POTEF: variants seen among roughly 807,000 people sequenced by gnomAD.
The protein encoded by POTEF is ANKRD26-like family C member 1B.
In POTEF, 20 loss-of-function variants were observed where a neutral mutation model predicts 83.2. That is an observed-to-expected ratio of 0.24 (90% CI 0.17 to 0.35). The LOEUF (loss-of-function observed/expected upper bound fraction) is 0.35, where lower values mean the gene tolerates loss of function less well. POTEF is among the 10% of genes least tolerant of loss of function. The pLI is 1.00. For synonymous variants in POTEF, 196 were observed against 446.4 expected (o/e 0.44, Z 7.07); for missense variants, 550 against 1,203.2 (o/e 0.46, Z 8.03).
At chr2:130,127,324 CAAAAA>C (rs57173649) in intron 2 of POTEF, among the ~76,000 whole-genome samples, 213 of 12,398 alleles carry the variant, frequency 0.017, 1 homozygote, top group African/African-American at 0.069. Flanking sequence ...GACTCTGTCT[CAAAAA>C]AAAAAAAAAA....
chr2:130,104,340 G>C (rs369868946), intron 8 of POTEF, among the ~76,000 whole-genome samples: 1 of 144,896 alleles, frequency 6.9e-6, no homozygotes, highest in African/African-American at 2.7e-5. Flanking sequence ...GCAATCTTTA[G>C]ATTTCTATCC....
At chr2:130,083,144 T>C (rs1683933499) in intron 15 of POTEF, among the ~76,000 whole-genome samples, 1 of 131,386 alleles carries the variant, frequency 7.6e-6, no homozygotes, top group Non-Finnish European at 1.6e-5. Context: ...GAGACCAGCC[T>C]GGCCAACATG....
intron 8 of POTEF, among the ~76,000 whole-genome samples, chr2:130,107,116 T>G (rs569550403): frequency 7.1e-6 from 1 of 140,110 alleles, no homozygotes; most frequent in Non-Finnish European, 1.5e-5. Context: ...GCATTTTTGT[T>G]AGCGTGAAAC....
In POTEF at chr2:130,120,620, G is replaced by A. The variant is rs911321262; in HGVS notation, c.-93-12C>T. On this transcript the variant is annotated splice_polypyrimidine_tract_variant and intron_variant, in intron 2 of 16. Coordinates refer to ENST00000409914, the MANE Select transcript of POTEF (RefSeq NM_001099771.2). ...TCCGGGTTTCCAATCTGTTTGAAGA[G>A]AAAAGTCAATCCCAGCCAAAACCTG... 455 of 1,582,890 alleles carry A rather than the reference G, an allele frequency of 2.9e-4. No homozygotes were observed. Among genetic ancestry groups the A allele is most frequent in the Non-Finnish European group, 3.8e-4 (439 of 1,164,712 alleles).
In POTEF at chr2:130,075,586, G is replaced by A. The variant is rs2122979; in HGVS notation, c.1900-14C>T. 0.37 allele frequency: 594,846 copies of A among 1,593,364 alleles called. 115,263 individuals are homozygous for A. The highest frequency in any genetic ancestry group is 0.43 in the South Asian group (38,337 of 89,058). On this transcript the variant is annotated splice_polypyrimidine_tract_variant and intron_variant, in intron 16 of 16. Coordinates refer to ENST00000409914, the MANE Select transcript of POTEF (RefSeq NM_001099771.2). ...ACTAAGAGAAAGCTAAGTAAACAAA[G>A]AGAACTTTTAGTTAGCACTCAATAG...
intron 3 of POTEF, among the ~76,000 whole-genome samples, chr2:130,118,771 C>CT (rs1482252540): frequency 6.6e-6 from 1 of 151,698 alleles, no homozygotes; most frequent in East Asian, 1.9e-4. Flanking sequence ...GTATGTTTCT[C>CT]TTTTTGTATA....
intron 15 of POTEF, among the ~76,000 whole-genome samples, chr2:130,083,321 T>A (rs2599818): frequency 2.6e-5 from 4 of 151,616 alleles, no homozygotes; most frequent in African/African-American, 9.7e-5. Context: ...GGGGACAAAG[T>A]GAGACTCTGT....
intron 2 of POTEF, among the ~76,000 whole-genome samples, chr2:130,126,378 T>C (rs1685093830): frequency 6.6e-6 from 1 of 151,656 alleles, no homozygotes; most frequent in South Asian, 2.1e-4. Context: ...ACAGTTCACT[T>C]AATAATCTCA....
intron 3 of POTEF, among the ~76,000 whole-genome samples, chr2:130,117,781 TTGA>T (rs1558894970): frequency 6.6e-6 from 1 of 152,036 alleles, no homozygotes; most frequent in East Asian, 1.9e-4. Context: ...TATAATGGAA[TTGA>T]TGAGTAAAAA....
chr2:130,103,160 G>T (rs1334152054), intron 8 of POTEF, among the ~76,000 whole-genome samples: 32 of 145,874 alleles, frequency 2.2e-4, no homozygotes, highest in East Asian at 8.0e-4. Context: ...GAGTGCAGTG[G>T]CGCAATCTCA....
At chr2:130,119,388 A>C (rs1005596497) in intron 3 of POTEF, among the ~76,000 whole-genome samples, 27 of 152,000 alleles carry the variant, frequency 1.8e-4, no homozygotes, top group Admixed American at 5.2e-4. Flanking sequence ...GGATGGTCTC[A>C]ATCTCCTGAC....
At chr2:130,101,645 T>C (rs1444679073) in intron 9 of POTEF, among the ~76,000 whole-genome samples, 2 of 148,168 alleles carry the variant, frequency 1.3e-5, no homozygotes, top group Non-Finnish European at 2.9e-5. Flanking sequence ...TAACCATGAA[T>C]CCAGCTCAGG....
chr2:130,128,686 T>C (rs1685161969), intron 1 of POTEF, among the ~76,000 whole-genome samples: 1 of 151,784 alleles, frequency 6.6e-6, no homozygotes, highest in African/African-American at 2.4e-5. Flanking sequence ...CAGCTCCTGA[T>C]AGCGCACCCT....
intron 12 of POTEF, among the ~76,000 whole-genome samples, chr2:130,091,463 CCT>C (rs1322127424): frequency 6.6e-6 from 1 of 152,086 alleles, no homozygotes; most frequent in Non-Finnish European, 1.5e-5. Context: ...AAGTTTTCTC[CCT>C]GTTTAAAAGA....
chr2:130,128,300 G>C (rs1685147793), intron 1 of POTEF, among the ~76,000 whole-genome samples: 1 of 151,800 alleles, frequency 6.6e-6, no homozygotes, highest in Admixed American at 6.6e-5. Flanking sequence ...GAACCGCAGT[G>C]GGTGTGGGGG....
At chr2:130,104,260 G>A (rs1684452769) in intron 8 of POTEF, among the ~76,000 whole-genome samples, 1 of 142,996 alleles carries the variant, frequency 7.0e-6, no homozygotes, top group Non-Finnish European at 1.5e-5. Flanking sequence ...TAGTGCCTAT[G>A]AATTTAACTA....
Position 130,074,038 on chromosome 2 carries a change from C to T in POTEF, c.*206G>A, listed in dbSNP as rs1024377671. 28 of 926,316 alleles carry T rather than the reference C, an allele frequency of 3.0e-5. No homozygotes were observed. Among genetic ancestry groups the T allele is most frequent in the Non-Finnish European group, 4.0e-5 (25 of 623,850 alleles). The allele number at this position is 926,316 out of a possible 1,614,324, so 57.4% of individuals were successfully genotyped here. ...AACAAGGTACAATCAAAGTCCTTGG[C>T]CACATTGTAGAACTTTGGAGGAAGC... On this transcript the variant is annotated 3_prime_UTR_variant, in exon 17 of 17. Transcript: ENST00000409914.
chr2:130,129,216 C>T lies in POTEF; in HGVS notation c.-394G>A, dbSNP rs1685178678. ...TCGTCTTCCTGCCTGGCAGGAGAAG[C>T]TCCCGCTACTGGTTGCCCTCCTACC... On this transcript the variant is annotated 5_prime_UTR_variant, in exon 1 of 17. Coordinates refer to ENST00000409914, the MANE Select transcript of POTEF (RefSeq NM_001099771.2). 1 of 142,650 alleles carries T rather than the reference C, an allele frequency of 7.0e-6. No individual in the cohort carries two copies. The highest frequency in any genetic ancestry group is 2.7e-5 in the African/African-American group (1 of 37,508). 8.8% of individuals were successfully genotyped at this position (142,650 alleles called of 1,614,324 possible). A position where few individuals can be genotyped will look rare whatever the true frequency, so the allele number is the denominator to read the frequency against.
At chr2:130,116,415 CA>C (rs1684846131) in intron 3 of POTEF, among the ~76,000 whole-genome samples, 1 of 147,406 alleles carries the variant, frequency 6.8e-6, no homozygotes, top group East Asian at 2.0e-4. Flanking sequence ...ACACGTGCAC[CA>C]AGGGGGTTGG....
Sources: allele counts gnomAD v4.1 joint callset (sites outside exome capture counted in the v4.1 genomes callset), GRCh38; gene constraint gnomAD v4.1.1; transcripts MANE v1.5; gene names NCBI Gene and HGNC (gene_info 2026-07-23, HGNC 2026-07-21).